SLC35D2: variants seen among roughly 807,000 people sequenced by gnomAD.
SLC35D2 encodes the protein nucleotide sugar transporter SLC35D2.
SLC35D2 carries 43 observed loss-of-function variants against 41.8 expected under a neutral mutation model. The ratio of observed to expected loss-of-function variants is 1.03; its 90% CI spans 0.81 to 1.33. The LOEUF (loss-of-function observed/expected upper bound fraction) is 1.33, where lower values mean the gene tolerates loss of function less well. Among genes scored for constraint, SLC35D2 ranks in the 40% most tolerant of loss-of-function variants. SLC35D2 has a pLI of 0.00. For missense variants in SLC35D2, 380 were observed against 408.4 expected (o/e 0.93, Z 0.60); for synonymous variants, 150 against 163.9 (o/e 0.92, Z 0.65).
In SLC35D2 at chr9:96,364,519, G is replaced by A. The variant is rs1830403258; in HGVS notation, c.224C>T (p.Ser75Phe). ...MAATIMILYV[S>F]KLNKIIHFPD... The stretch of plus-strand genomic sequence containing the variant: ...GAAGTGAATGATTTTGTTTAGCTTG[G>A]ACACATATAGTATCATTATGGTGGC... Residue 75 changes from serine (S) to phenylalanine (F), a missense_variant, in exon 3 of 12, where the codon TCC (serine) becomes TTC (phenylalanine). Ser to Phe is a radical substitution (Grantham distance 155). Transcript: ENST00000253270. 6.2e-7 allele frequency: 1 copy of A among 1,607,058 alleles called. No individual in the cohort carries two copies. Among genetic ancestry groups the A allele is most frequent in the South Asian group, 1.1e-5 (1 of 90,690 alleles).
At chr9:96,361,677 C>A (rs1830282696) in intron 3 of SLC35D2, among the ~76,000 whole-genome samples, 2 of 151,266 alleles carry the variant, frequency 1.3e-5, no homozygotes, top group East Asian at 1.9e-4. Context: ...AGAGCTAGAC[C>A]CTGTCTCAAA....
Position 96,321,197 on chromosome 9 carries a change from C to G in SLC35D2, c.*45G>C, listed in dbSNP as rs778204722. ...TCACATTCCTACTGGGAATGCCCCC[C>G]CAGCCCGCAGTCACAAGTCAGTCTC... On this transcript the variant is annotated 3_prime_UTR_variant, in exon 12 of 12. Transcript: ENST00000253270. 1.3e-5 allele frequency: 19 copies of G among 1,447,704 alleles called. No individual in the cohort carries two copies. The highest frequency in any genetic ancestry group is 6.8e-5 in the East Asian group (3 of 44,044). The allele number at this position is 1,447,704 out of a possible 1,614,324, so 89.7% of individuals were successfully genotyped here. A position where few individuals can be genotyped will look rare whatever the true frequency, so the allele number is the denominator to read the frequency against.
At chr9:96,333,531 C>T (rs1162783073) in intron 9 of SLC35D2, among the ~76,000 whole-genome samples, 1 of 145,806 alleles carries the variant, frequency 6.9e-6, no homozygotes, top group Non-Finnish European at 1.5e-5. Context: ...GGAGGCGGTG[C>T]GTGCAGTGAG....
chr9:96,360,282 C>T (rs1830209150), intron 3 of SLC35D2, 61 bp from the exon 4 acceptor site: 4 of 1,302,726 alleles, frequency 3.1e-6, no homozygotes, highest in Non-Finnish European at 4.3e-6. Context: ...TTTTCCTTCA[C>T]ATATAAAAAT....
At chr9:96,350,841 C>G (rs1439364150) in intron 6 of SLC35D2, 4 of 307,886 alleles carry the variant, frequency 1.3e-5, no homozygotes, top group Non-Finnish European at 2.4e-5. Flanking sequence ...GAAATGTAAA[C>G]AGTTCACTGC....
chr9:96,318,406 C>T (rs1390007091), downstream of SLC35D2, among the ~76,000 whole-genome samples: 1 of 151,770 alleles, frequency 6.6e-6, no homozygotes, highest in Non-Finnish European at 1.5e-5. Flanking sequence ...TGCAGTGAGC[C>T]GAGATCATGC....
intron 4 of SLC35D2, among the ~76,000 whole-genome samples, chr9:96,353,489 G>A (rs1829898092): frequency 6.6e-6 from 1 of 152,070 alleles, no homozygotes; most frequent in Non-Finnish European, 1.5e-5. Context: ...GGGTAGCTGG[G>A]ATTACACTAC....
intron 10 of SLC35D2, 33 bp from the exon 11 acceptor site, chr9:96,322,113 A>G: frequency 1.5e-6 from 2 of 1,349,256 alleles, no homozygotes; most frequent in Non-Finnish European, 2.1e-6. Context: ...CGTCATTTTA[A>G]AAGTAAACTG....
intron 4 of SLC35D2, among the ~76,000 whole-genome samples, chr9:96,355,998 A>C (rs1448838292): frequency 2.0e-5 from 3 of 152,212 alleles, no homozygotes; most frequent in African/African-American, 7.2e-5. Flanking sequence ...CCCATGTTGA[A>C]GGTGGAGCCT....
At chr9:96,380,172 T>C (rs996882374) in intron 1 of SLC35D2, among the ~76,000 whole-genome samples, 5 of 152,014 alleles carry the variant, frequency 3.3e-5, no homozygotes, top group Admixed American at 6.6e-5. Context: ...GCTGGGAGTA[T>C]AGGCGTGAGC....
chr9:96,326,196 T>A (rs4405041), intron 9 of SLC35D2, among the ~76,000 whole-genome samples: 2 of 152,044 alleles, frequency 1.3e-5, no homozygotes, highest in African/African-American at 4.8e-5. Context: ...TGGTTTATTC[T>A]ATTTCAAAGA....
At position 96,336,773 on chromosome 9, in the gene SLC35D2, G is replaced by A. The variant is rs777220923; in HGVS notation, c.696C>T (p.Phe232=). Residue 232 remains phenylalanine (F), a synonymous_variant, in exon 9 of 12, where the codon TTC becomes TTT. Transcript: ENST00000253270. ...STGDLQQATE[F]NQWKNVVFIL... is the part of the protein sequence containing the mutation. The stretch of plus-strand genomic sequence containing the variant: ...TAAACACAACATTCTTCCATTGGTT[G>A]AATTCAGTAGCCTATTATTAAAAAG... 8 of 1,570,048 alleles carry A rather than the reference G, an allele frequency of 5.1e-6. No homozygotes were observed. Among genetic ancestry groups the A allele is most frequent in the Non-Finnish European group, 6.1e-6 (7 of 1,148,358 alleles).
chr9:96,382,488 C>CT lies in SLC35D2; in HGVS notation c.158+988_158+989insA, dbSNP rs1831236931. ...TTATACACACACACACACACACACA[C>CT]ACACACACTATATATATATATATAT... On this transcript the variant is annotated intron_variant, in intron 1 of 11. Coordinates refer to ENST00000253270, the MANE Select transcript of SLC35D2 (RefSeq NM_007001.3). Among the ~76,000 whole-genome samples the CT allele has an allele frequency of 3.5e-5, 5 of 144,232 alleles. No individual in the cohort carries two copies. The South Asian group carries it at 8.7e-4, about 25-fold the overall frequency. 94.6% of individuals were successfully genotyped at this position (144,232 alleles called of 152,430 possible). A position where few individuals can be genotyped will look rare whatever the true frequency, so the allele number is the denominator to read the frequency against.
intron 9 of SLC35D2, among the ~76,000 whole-genome samples, chr9:96,330,376 C>CG (rs1412911012): frequency 6.6e-6 from 1 of 152,162 alleles, no homozygotes; most frequent in Non-Finnish European, 1.5e-5. Flanking sequence ...TTAATCCAGT[C>CG]GAATTGATAC....
At chr9:96,356,780 T>C (rs1415767785) in intron 4 of SLC35D2, among the ~76,000 whole-genome samples, 2 of 150,700 alleles carry the variant, frequency 1.3e-5, no homozygotes, top group East Asian at 3.9e-4. Flanking sequence ...GAGGCTGAGG[T>C]GGGAGGATCG....
intron 9 of SLC35D2, among the ~76,000 whole-genome samples, chr9:96,333,363 G>T (rs1828895816): frequency 6.6e-6 from 1 of 151,558 alleles, no homozygotes; most frequent in African/African-American, 2.4e-5. Context: ...TTGGGAGGCT[G>T]AGGCGGGTGG....
Position 96,383,704 on chromosome 9 carries a change from G to C in SLC35D2, c.-70C>G. 1 of 920,744 alleles carries C rather than the reference G, an allele frequency of 1.1e-6. No individual in the cohort carries two copies. The highest frequency in any genetic ancestry group is 1.3e-6 in the Non-Finnish European group (1 of 769,470). The allele number at this position is 920,744 out of a possible 1,614,324, so 57.0% of individuals were successfully genotyped here. ...GCACTGGTCCCGCCCGGCCGGGCCG[G>C]GGAAGAGGGCGCGGCAGGAACAGGA... On this transcript the variant is annotated 5_prime_UTR_variant, in exon 1 of 12. Transcript: ENST00000253270.
Position 96,343,939 on chromosome 9 carries a change from G to C in SLC35D2, c.649C>G (p.Leu217Val). The change falls in exon 8 of 12, where the codon CTT becomes GTT. Residue 217 changes from leucine (L) to valine (V), a missense_variant. By Grantham distance (32) the Leu-to-Val change is conservative. Coordinates refer to ENST00000253270, the MANE Select transcript of SLC35D2 (RefSeq NM_007001.3). ...TCTCCAGTGGAGACACTAATAATAA[G>C]AGTTGGGATAATCATGAAGCAGGCA... Reference protein sequence around the residue: ...YNACFMIIPTLIISVSTGDLQ... With the variant: ...YNACFMIIPTVIISVSTGDLQ... 1 of 1,599,120 alleles carries C rather than the reference G, an allele frequency of 6.3e-7. No individual in the cohort carries two copies. The highest frequency in any genetic ancestry group is 8.5e-7 in the Non-Finnish European group (1 of 1,174,260).
chr9:96,324,400 T>C (rs1044313944), intron 9 of SLC35D2, among the ~76,000 whole-genome samples: 4 of 152,150 alleles, frequency 2.6e-5, no homozygotes, highest in African/African-American at 9.7e-5. Context: ...TCCTTCTCAT[T>C]TTCTCTGTAC....
Sources: gnomAD v4.1 joint callset for allele counts (sites outside exome capture counted in the v4.1 genomes callset) on GRCh38, gnomAD v4.1.1 for gene constraint, MANE v1.5 for transcripts, NCBI Gene and HGNC (gene_info 2026-07-23, HGNC 2026-07-21) for gene names.